The following DAG1 variants were observed in gnomAD, a reference collection of about 807,000 sequenced individuals.
DAG1 encodes dystroglycan 1.
Under a neutral mutation model 46.1 loss-of-function variants are expected in DAG1, and 8 were observed. The ratio of observed to expected loss-of-function variants is 0.17; its 90% CI spans 0.10 to 0.31. The LOEUF (loss-of-function observed/expected upper bound fraction) is 0.31, where lower values mean the gene tolerates loss of function less well. Ranked by LOEUF, DAG1 falls within the 10% of genes least tolerant of loss-of-function variation. DAG1 has a pLI of 1.00. For missense variants in DAG1, 1,003 were observed against 1,189.9 expected (o/e 0.84, Z 2.31); for synonymous variants, 495 against 481.8 (o/e 1.03, Z -0.36).
chr3:49,523,829 T>A (rs1469018641), intron 2 of DAG1, among the ~76,000 whole-genome samples: 1 of 152,172 alleles, frequency 6.6e-6, no homozygotes, highest in African/African-American at 2.4e-5. Flanking sequence ...TGGGATTGTT[T>A]CCCTGATTTT....
intron 1 of DAG1, among the ~76,000 whole-genome samples, chr3:49,475,486 C>G (rs1262342714): frequency 6.8e-6 from 1 of 147,034 alleles, no homozygotes; most frequent in Non-Finnish European, 1.5e-5. Context: ...GCTCCTGCAA[C>G]CTCCACCTCC....
In DAG1 at chr3:49,510,523, CT is replaced by C; in HGVS notation, c.-10del. On this transcript the variant is annotated 5_prime_UTR_variant, in exon 2 of 3. Coordinates refer to ENST00000308775, the MANE Select transcript of DAG1 (RefSeq NM_004393.6). ...TAGCAAGACTATCGACTTGAGCAAA[CT>C]TGGACCTGGGATGAGGATGTCTGTG... 6.2e-7 allele frequency: 1 copy of C among 1,612,358 alleles called. No individual in the cohort carries two copies. The highest frequency in any genetic ancestry group is 1.1e-5 in the South Asian group (1 of 91,032).
intron 1 of DAG1, among the ~76,000 whole-genome samples, chr3:49,497,668 A>G (rs1285739451): frequency 6.6e-6 from 1 of 152,196 alleles, no homozygotes; most frequent in Admixed American, 6.5e-5. Flanking sequence ...GAAAAACACA[A>G]TATAAAACTT....
chr3:49,530,649 G>C (rs986419979), intron 2 of DAG1, 148 bp from the exon 3 acceptor site: 4 of 1,143,346 alleles, frequency 3.5e-6, no homozygotes, highest in Middle Eastern at 2.7e-4. Flanking sequence ...ACTCAGTTGT[G>C]TCTCTCTAGG....
At chr3:49,506,651 A>G (rs1306029248) in intron 1 of DAG1, among the ~76,000 whole-genome samples, 1 of 152,210 alleles carries the variant, frequency 6.6e-6, no homozygotes, top group East Asian at 1.9e-4. Context: ...CATCTCTGGA[A>G]TAAGTACCAC....
chr3:49,474,445 A>G (rs2049619380), intron 1 of DAG1, among the ~76,000 whole-genome samples: 1 of 152,016 alleles, frequency 6.6e-6, no homozygotes, highest in Non-Finnish European at 1.5e-5. Flanking sequence ...CCTTGGGTTC[A>G]AGTGATTCTC....
chr3:49,508,141 T>G (rs897016156), intron 1 of DAG1, among the ~76,000 whole-genome samples: 1 of 151,460 alleles, frequency 6.6e-6, no homozygotes, highest in Non-Finnish European at 1.5e-5. Context: ...TTCAGTTTCA[T>G]TGGGGTTTTT....
At position 49,531,981 on chromosome 3, in the gene DAG1, C is replaced by T. The variant is rs545248602; in HGVS notation, c.1470C>T (p.Gly490=). The change falls in exon 3 of 3, where the codon GGC becomes GGT. Residue 490 remains glycine, a synonymous_variant. Transcript: ENST00000308775. This position sits in a 1 kb window ranked among gnomAD's most constrained non-coding sequence, Gnocchi z 7.0. ...IRTTTSGVPR[G]GEPNQRPELK... ...CCACCACCAGTGGAGTGCCCCGTGG[C>T]GGAGAACCCAACCAGCGCCCAGAGC... 14 of 1,614,194 alleles carry T rather than the reference C, an allele frequency of 8.7e-6. No individual in the cohort carries two copies. The highest frequency in any genetic ancestry group is 4.0e-5 in the African/African-American group (3 of 75,050).
At chr3:49,475,885 T>C (rs1478281499) in intron 1 of DAG1, among the ~76,000 whole-genome samples, 1 of 151,814 alleles carries the variant, frequency 6.6e-6, no homozygotes, top group Non-Finnish European at 1.5e-5. Flanking sequence ...TGTATATATA[T>C]ATTTTTTGTA....
intron 1 of DAG1, among the ~76,000 whole-genome samples, chr3:49,480,757 G>GTTTTT (rs770596207): frequency 8.8e-5 from 10 of 113,086 alleles, no homozygotes; most frequent in Non-Finnish European, 1.4e-4. Context: ...TCTGCATAAA[G>GTTTTT]TTTTTTTTTT....
At chr3:49,475,245 C>T (rs2049648057) in intron 1 of DAG1, among the ~76,000 whole-genome samples, 1 of 151,568 alleles carries the variant, frequency 6.6e-6, no homozygotes, top group Admixed American at 6.6e-5. Flanking sequence ...GCTGGGATTA[C>T]AGGCATGCGT....
chr3:49,471,684 G>C (rs1443845590), intron 1 of DAG1, among the ~76,000 whole-genome samples: 1 of 152,210 alleles, frequency 6.6e-6, no homozygotes, highest in Non-Finnish European at 1.5e-5. Flanking sequence ...TTTGTTAAAA[G>C]AGGCACAGTG....
At chr3:49,521,313 G>A (rs553436336) in intron 2 of DAG1, among the ~76,000 whole-genome samples, 6 of 152,076 alleles carry the variant, frequency 3.9e-5, no homozygotes, top group African/African-American at 1.2e-4. Context: ...ACAGGCACCC[G>A]CCACCACACC....
intron 1 of DAG1, chr3:49,487,526 G>A (rs916943928): frequency 1.3e-5 from 2 of 152,170 alleles, no homozygotes; most frequent in Middle Eastern, 3.4e-3. Context: ...TGCCCTTCAT[G>A]TGCTCAGCAC....
At chr3:49,505,976 T>C (rs1026548925) in intron 1 of DAG1, among the ~76,000 whole-genome samples, 9 of 146,686 alleles carry the variant, frequency 6.1e-5, no homozygotes, top group African/African-American at 2.3e-4. Flanking sequence ...GGCCTATTTT[T>C]TTTTCTTTTT....
At chr3:49,494,518 A>G (rs1051122038) in intron 1 of DAG1, among the ~76,000 whole-genome samples, 2 of 152,174 alleles carry the variant, frequency 1.3e-5, no homozygotes, top group African/African-American at 4.8e-5. Context: ...ATTTTGAGCT[A>G]TGGCACTTAT....
At chr3:49,484,506 C>G (rs2107154725) in intron 1 of DAG1, among the ~76,000 whole-genome samples, 1 of 152,254 alleles carries the variant, frequency 6.6e-6, no homozygotes, top group South Asian at 2.1e-4. Context: ...AGAGAGTCTC[C>G]TTTTGATTCT....
intron 2 of DAG1, among the ~76,000 whole-genome samples, chr3:49,515,808 C>T (rs962692439): frequency 6.6e-6 from 1 of 152,130 alleles, no homozygotes; most frequent in Admixed American, 6.6e-5. Flanking sequence ...TGCTTGCTTA[C>T]TTCTTCCTAG....
chr3:49,473,938 C>T (rs2049602615), intron 1 of DAG1, among the ~76,000 whole-genome samples: 1 of 149,666 alleles, frequency 6.7e-6, no homozygotes, highest in South Asian at 2.1e-4. Flanking sequence ...GGCTGGAGTG[C>T]AGTGGTGGGA....
Sources: allele counts gnomAD v4.1 joint callset (sites outside exome capture counted in the v4.1 genomes callset), GRCh38; gene constraint gnomAD v4.1.1; non-coding constraint Gnocchi (gnomAD v3.1); transcripts MANE v1.5; gene names NCBI Gene and HGNC (gene_info 2026-07-23, HGNC 2026-07-21).